The following KCNIP4 variants were observed in gnomAD, a reference collection of about 807,000 sequenced individuals.
KCNIP4 encodes the protein Kv channel-interacting protein 4.
Under a neutral mutation model 34.0 loss-of-function variants are expected in KCNIP4, and 12 were observed. That is an observed-to-expected ratio of 0.35 (90% CI 0.23 to 0.57). The LOEUF (loss-of-function observed/expected upper bound fraction) is 0.57, where lower values mean the gene tolerates loss of function less well. Ranked by LOEUF, KCNIP4 falls within the 20% of genes least tolerant of loss-of-function variation. The pLI is 0.83. For missense variants in KCNIP4, 238 were observed against 311.7 expected (o/e 0.76, Z 1.78); for synonymous variants, 124 against 102.2 (o/e 1.21, Z -1.29).
chr4:21,744,467 A>G (rs542196313), intron 1 of KCNIP4, among the ~76,000 whole-genome samples: 2 of 152,188 alleles, frequency 1.3e-5, no homozygotes, highest in African/African-American at 4.8e-5. Context: ...ACTTATTTCA[A>G]CCATTTTAAA....
intron 1 of KCNIP4, among the ~76,000 whole-genome samples, chr4:21,192,321 T>A (rs552253625): frequency 6.6e-6 from 1 of 152,228 alleles, no homozygotes; most frequent in Non-Finnish European, 1.5e-5. Context: ...GGATTAATTA[T>A]AAATGATATC....
intron 1 of KCNIP4, among the ~76,000 whole-genome samples, chr4:21,676,360 T>A (rs954238636): frequency 3.9e-5 from 6 of 152,208 alleles, no homozygotes; most frequent in African/African-American, 1.4e-4. Context: ...ATAATCTGGA[T>A]AAGTTGTCCT....
At chr4:20,858,322 C>A (rs1443637689) in intron 2 of KCNIP4, among the ~76,000 whole-genome samples, 1 of 151,162 alleles carries the variant, frequency 6.6e-6, no homozygotes, top group Non-Finnish European at 1.5e-5. Flanking sequence ...CAGCTGGTAC[C>A]TTGACCTTGA....
At chr4:21,666,824 G>A (rs2109000077) in intron 1 of KCNIP4, among the ~76,000 whole-genome samples, 1 of 152,300 alleles carries the variant, frequency 6.6e-6, no homozygotes, top group Non-Finnish European at 1.5e-5. Flanking sequence ...TAGTGGTGGT[G>A]AATAAGGGGG....
intron 1 of KCNIP4, among the ~76,000 whole-genome samples, chr4:21,897,834 C>T (rs1320655792): frequency 6.6e-6 from 1 of 152,138 alleles, no homozygotes; most frequent in Admixed American, 6.5e-5. Context: ...CTGGTTTTAA[C>T]ATCATATTAA....
At chr4:20,896,420 A>T (rs1012002275) in intron 1 of KCNIP4, among the ~76,000 whole-genome samples, 1 of 152,240 alleles carries the variant, frequency 6.6e-6, no homozygotes, top group Non-Finnish European at 1.5e-5. Flanking sequence ...TTGCAAATGC[A>T]ATTAGTTAAT....
intron 1 of KCNIP4, among the ~76,000 whole-genome samples, chr4:21,246,863 C>A (rs1190443961): frequency 1.3e-5 from 2 of 152,112 alleles, no homozygotes; most frequent in African/African-American, 4.8e-5. Flanking sequence ...AAATTCTGTT[C>A]ATAAGTGAAA....
intron 1 of KCNIP4, among the ~76,000 whole-genome samples, chr4:20,924,319 A>G (rs1485415449): frequency 6.6e-6 from 1 of 152,182 alleles, no homozygotes; most frequent in Admixed American, 6.5e-5. Context: ...TAATGCCAAG[A>G]ATGGAAATCC....
chr4:21,874,637 T>C (rs1431355834), intron 1 of KCNIP4, among the ~76,000 whole-genome samples: 1 of 152,226 alleles, frequency 6.6e-6, no homozygotes, highest in Non-Finnish European at 1.5e-5. Context: ...CTCCTGATAT[T>C]TGCTACTCCT....
intron 1 of KCNIP4, among the ~76,000 whole-genome samples, chr4:20,974,736 A>T (rs1012335542): frequency 6.6e-6 from 1 of 152,172 alleles, no homozygotes; most frequent in African/African-American, 2.4e-5. Context: ...TACTAAACTA[A>T]TTTTTTGGTA....
rs1434350088 is a variant in KCNIP4 at position 21,708,922 on chromosome 4, T to C, written c.61+239649A>G. 3.9e-5 allele frequency among the ~76,000 whole-genome samples: 6 copies of C among 152,326 alleles called. No homozygotes were observed. In the East Asian group the frequency reaches 7.7e-4, roughly 20 times the overall value. ...TATTTAAAAACAATTAGGCCACATATGTGATTTAAACTTTCGAATTCAGCA... is the reference window on the plus strand; with the variant it reads ...TATTTAAAAACAATTAGGCCACATACGTGATTTAAACTTTCGAATTCAGCA... On this transcript the variant is annotated intron_variant, in intron 1 of 8. Coordinates refer to ENST00000382152, the MANE Select transcript of KCNIP4 (RefSeq NM_025221.6).
intron 1 of KCNIP4, among the ~76,000 whole-genome samples, chr4:21,390,593 G>A (rs985746295): frequency 1.3e-5 from 2 of 152,160 alleles, no homozygotes; most frequent in Non-Finnish European, 2.9e-5. Context: ...TGTCAGGTTT[G>A]TGAAAGATCA....
chr4:21,532,295 T>C (rs927062836), intron 1 of KCNIP4, among the ~76,000 whole-genome samples: 17 of 152,012 alleles, frequency 1.1e-4, no homozygotes, highest in African/African-American at 3.9e-4. Context: ...TTCTTTGTTA[T>C]GAAGCCTAAG....
At chr4:21,885,302 C>T (rs954856475) in intron 1 of KCNIP4, among the ~76,000 whole-genome samples, 2 of 152,108 alleles carry the variant, frequency 1.3e-5, no homozygotes, top group African/African-American at 4.8e-5. Context: ...CAGGAAGCCA[C>T]TACATTCTGT....
At chr4:21,899,508 A>G (rs931046457) in intron 1 of KCNIP4, among the ~76,000 whole-genome samples, 2 of 152,100 alleles carry the variant, frequency 1.3e-5, no homozygotes, top group African/African-American at 4.8e-5. Context: ...TCATTGTTTG[A>G]AGATAATATG....
At chr4:21,115,531 G>A (rs1366561804) in intron 1 of KCNIP4, among the ~76,000 whole-genome samples, 3 of 152,098 alleles carry the variant, frequency 2.0e-5, no homozygotes, top group African/African-American at 7.2e-5. Flanking sequence ...GTACAAAAGG[G>A]ATTAAATACA....
At chr4:21,713,261 C>T (rs1406071717) in intron 1 of KCNIP4, among the ~76,000 whole-genome samples, 2 of 152,136 alleles carry the variant, frequency 1.3e-5, no homozygotes, top group East Asian at 3.9e-4. Flanking sequence ...GTTACTGCTG[C>T]TGTTTCTACT....
intron 1 of KCNIP4, among the ~76,000 whole-genome samples, chr4:21,836,439 T>A (rs1323912024): frequency 6.6e-6 from 1 of 152,180 alleles, no homozygotes; most frequent in African/African-American, 2.4e-5. Flanking sequence ...TGCCAAGAGA[T>A]GTCCTATTTT....
At chr4:21,044,978 C>T (rs1452199201) in intron 1 of KCNIP4, among the ~76,000 whole-genome samples, 3 of 152,136 alleles carry the variant, frequency 2.0e-5, no homozygotes, top group Non-Finnish European at 2.9e-5. Flanking sequence ...TAAATGAGAT[C>T]TTACATATGG....
Sources: allele counts gnomAD v4.1 joint callset (sites outside exome capture counted in the v4.1 genomes callset), GRCh38; gene constraint gnomAD v4.1.1; transcripts MANE v1.5; gene names NCBI Gene and HGNC (gene_info 2026-07-23, HGNC 2026-07-21).